Variants in WASL observed in about 807,000 individuals in gnomAD.
The protein encoded by WASL is WASP like actin nucleation promoting factor.
A neutral mutation model predicts 55.5 loss-of-function variants in WASL; 20 were observed. The observed-to-expected ratio is 0.36, with a 90% CI of 0.25 to 0.52. The LOEUF (loss-of-function observed/expected upper bound fraction) is 0.52. WASL is among the 20% of genes least tolerant of loss of function. The pLI is 0.92. For synonymous variants in WASL, 249 were observed against 217.6 expected, an observed-to-expected ratio of 1.14 and a Z score of -1.27; for missense variants, 504 against 622.5, an observed-to-expected ratio of 0.81 and a Z score of 2.03.
At chr7:123,699,406 C>T (rs1269358208) in intron 5 of WASL, among the ~76,000 whole-genome samples, 3 of 151,948 alleles carry the variant, frequency 2.0e-5, no homozygotes, top group Admixed American at 6.6e-5. Flanking sequence ...AAGAATTAGG[C>T]ACTCTCTTTA....
chr7:123,719,840 G>C (rs1462006908), intron 1 of WASL, among the ~76,000 whole-genome samples: 1 of 152,090 alleles, frequency 6.6e-6, no homozygotes. Context: ...TACCACCCAA[G>C]CCACCAGCCA....
At chr7:123,741,652 ATTAT>A (rs1006500460) in intron 1 of WASL, among the ~76,000 whole-genome samples, 1 of 152,214 alleles carries the variant, frequency 6.6e-6, no homozygotes, top group Non-Finnish European at 1.5e-5. Context: ...TTCCATTAAT[ATTAT>A]TTATTTAAAA....
chr7:123,686,739 A>C (rs1332989162), intron 10 of WASL, among the ~76,000 whole-genome samples: 23 of 152,142 alleles, frequency 1.5e-4, no homozygotes, highest in Admixed American at 1.5e-3. Flanking sequence ...CTCTAAACAA[A>C]GCTTGAGATT....
At position 123,683,331 on chromosome 7, in the gene WASL, T is replaced by C. The variant is rs1803231222; in HGVS notation, c.*1188A>G. On this transcript the variant is annotated 3_prime_UTR_variant, in exon 11 of 11. Transcript: ENST00000223023. The stretch of plus-strand genomic sequence containing the variant: ...AAGAAACCCTAATTTTAACACACCA[T>C]TTAGTATGCATAACAAATGTGCAGG... 6.6e-6 allele frequency: 1 copy of C among 151,896 alleles called. No individual in the cohort carries two copies. The highest frequency in any genetic ancestry group is 1.5e-5 in the Non-Finnish European group (1 of 67,922). 9.4% of individuals were successfully genotyped at this position (151,896 alleles called of 1,614,324 possible).
chr7:123,710,931 T>C (rs1176284797), intron 1 of WASL, among the ~76,000 whole-genome samples: 1 of 152,158 alleles, frequency 6.6e-6, no homozygotes, highest in Non-Finnish European at 1.5e-5. Context: ...AGGTACCAAA[T>C]ACCAGGCTGA....
chr7:123,716,334 G>A (rs1024343406), intron 1 of WASL, among the ~76,000 whole-genome samples: 2 of 152,070 alleles, frequency 1.3e-5, no homozygotes, highest in African/African-American at 2.4e-5. Context: ...TCCCACCTCA[G>A]CCTCCCAAGA....
intron 10 of WASL, among the ~76,000 whole-genome samples, chr7:123,688,760 G>C (rs575441424): frequency 7.2e-5 from 11 of 152,240 alleles, no homozygotes; most frequent in Admixed American, 7.2e-4. Context: ...AGCATTTCCT[G>C]ATATAGGAAA....
chr7:123,719,424 T>C (rs1368262342), intron 1 of WASL, among the ~76,000 whole-genome samples: 1 of 152,172 alleles, frequency 6.6e-6, no homozygotes, highest in Non-Finnish European at 1.5e-5. Flanking sequence ...ATGTTGCCTA[T>C]GGGAACTGTG....
intron 1 of WASL, among the ~76,000 whole-genome samples, chr7:123,734,555 T>C (rs1225109766): frequency 7.9e-6 from 1 of 126,612 alleles, no homozygotes; most frequent in African/African-American, 3.1e-5. Flanking sequence ...ATTCCAACTA[T>C]ATGACATGCT....
intron 1 of WASL, among the ~76,000 whole-genome samples, chr7:123,717,200 A>C (rs1020775898): frequency 1.3e-5 from 2 of 152,184 alleles, no homozygotes; most frequent in African/African-American, 4.8e-5. Flanking sequence ...AGAAAAAAAA[A>C]CATGTTTATG....
At chr7:123,737,596 CAAAAAAAA>C (rs34669724) in intron 1 of WASL, among the ~76,000 whole-genome samples, 5 of 72,818 alleles carry the variant, frequency 6.9e-5, no homozygotes, top group Admixed American at 3.5e-4. Flanking sequence ...CTCCGTCTCC[CAAAAAAAA>C]AAAAAAAAAA....
intron 10 of WASL, 139 bp from the exon 11 acceptor site, chr7:123,684,719 T>A: frequency 2.6e-6 from 2 of 767,750 alleles, no homozygotes; most frequent in Non-Finnish European, 3.6e-6. Context: ...TAAAACAGTT[T>A]AAAGTGAATC....
chr7:123,723,788 C>G (rs1326606630), intron 1 of WASL, among the ~76,000 whole-genome samples: 1 of 152,186 alleles, frequency 6.6e-6, no homozygotes, highest in Non-Finnish European at 1.5e-5. Flanking sequence ...CCTGAAACTT[C>G]CTTGTTCAAT....
At chr7:123,740,201 T>C (rs1008812326) in intron 1 of WASL, among the ~76,000 whole-genome samples, 3 of 152,142 alleles carry the variant, frequency 2.0e-5, no homozygotes, top group Admixed American at 1.3e-4. Flanking sequence ...ATGTCAGATA[T>C]ATCTCATATA....
intron 10 of WASL, among the ~76,000 whole-genome samples, chr7:123,685,711 A>G (rs905324444): frequency 2.0e-5 from 3 of 151,886 alleles, no homozygotes; most frequent in African/African-American, 7.2e-5. Context: ...CAGCCATTCA[A>G]TAAATATTTG....
intron 10 of WASL, among the ~76,000 whole-genome samples, chr7:123,685,843 TATAA>T (rs988632078): frequency 4.1e-5 from 6 of 147,334 alleles, no homozygotes; most frequent in African/African-American, 4.9e-5. Flanking sequence ...CCTATAAATA[TATAA>T]ATACATATAC....
chr7:123,699,601 T>C (rs569568647), intron 5 of WASL, among the ~76,000 whole-genome samples: 26 of 152,312 alleles, frequency 1.7e-4, no homozygotes, highest in African/African-American at 5.8e-4. Flanking sequence ...GTTTAATGAT[T>C]TAAATTATCC....
chr7:123,731,312 G>C (rs1041412063), intron 1 of WASL, among the ~76,000 whole-genome samples: 2 of 152,176 alleles, frequency 1.3e-5, no homozygotes, highest in South Asian at 4.2e-4. Context: ...AAATACATGA[G>C]GCAAAAGCCC....
intron 10 of WASL, among the ~76,000 whole-genome samples, chr7:123,686,886 A>AT (rs146440670): frequency 7.4e-4 from 113 of 152,296 alleles, no homozygotes; most frequent in African/African-American, 2.2e-3. Context: ...AAACATAACC[A>AT]TAACTTTAAA....
Sources: gnomAD v4.1 joint callset for allele counts (sites outside exome capture counted in the v4.1 genomes callset) on GRCh38, gnomAD v4.1.1 for gene constraint, MANE v1.5 for transcripts, NCBI Gene and HGNC (gene_info 2026-07-23, HGNC 2026-07-21) for gene names.